Variants in NPDC1 observed in about 807,000 individuals in gnomAD.
The protein encoded by NPDC1 is neural proliferation, differentiation and control 1, also known as neural proliferation differentiation and control protein 1.
In NPDC1, 18 loss-of-function variants were observed where a neutral mutation model predicts 32.5. That is an observed-to-expected ratio of 0.55 (90% CI 0.38 to 0.82). The LOEUF (loss-of-function observed/expected upper bound fraction) is 0.82, where lower values mean the gene tolerates loss of function less well. NPDC1 is among the 40% of genes least tolerant of loss of function. The pLI is 0.00. For synonymous variants in NPDC1, 210 were observed against 184.7 expected (o/e 1.14, Z -1.11); for missense variants, 468 against 406.6 (o/e 1.15, Z -1.30).
intron 2 of NPDC1, among the ~76,000 whole-genome samples, chr9:137,042,474 G>A (rs1216380662): frequency 6.6e-6 from 1 of 151,684 alleles, no homozygotes; most frequent in African/African-American, 2.4e-5. Context: ...AGCCAGGATG[G>A]TCTCGATCTC....
At chr9:137,040,094 TC>T in intron 7 of NPDC1, 27 bp from the exon 8 acceptor site, 1 of 771,804 alleles carries the variant, frequency 1.3e-6, no homozygotes. Context: ...CGCTGGGTCC[TC>T]CCCATGCCCT....
chr9:137,041,217 G>A, intron 2 of NPDC1, 30 bp from the exon 3 acceptor site: 1 of 1,418,518 alleles, frequency 7.0e-7, no homozygotes, highest in Non-Finnish European at 9.2e-7. Context: ...ATCAGGTGGA[G>A]GGGTCCGTCC....
intron 2 of NPDC1, 128 bp from the exon 3 acceptor site, chr9:137,041,315 C>T: frequency 9.5e-7 from 1 of 1,057,646 alleles, no homozygotes; most frequent in Non-Finnish European, 1.2e-6. Flanking sequence ...AGGCCCTCTC[C>T]CTCCCAGATT....
rs369675087 is a variant in NPDC1, at chr9:137,040,550, C to T, written c.672G>A (p.Ala224=). 397 of 1,587,706 alleles carry T rather than the reference C, an allele frequency of 2.5e-4. 3 individuals carry two copies. In the South Asian group the frequency reaches 2.8e-3, roughly 11 times the overall value. The change falls in exon 6 of 9, where the codon GCG becomes GCA. Residue 224 remains alanine, a synonymous_variant. Coordinates refer to ENST00000371601, the MANE Select transcript of NPDC1 (RefSeq NM_015392.4). ...GAGCTGCAGGTGAGCCAGGGGCCTT[C>T]GCAGTGGCGTAGTCGGCCTTCTGAG... The part of the protein sequence containing the change: ...RLTQKADYAT[A]KAPGSPAAPR...
At chr9:137,042,151 G>C (rs1472219835) in intron 2 of NPDC1, among the ~76,000 whole-genome samples, 1 of 152,230 alleles carries the variant, frequency 6.6e-6, no homozygotes, top group Non-Finnish European at 1.5e-5. Flanking sequence ...GGGAGGCTTC[G>C]TGGAGAGTGA....
chr9:137,039,544 C>T lies in NPDC1; in HGVS notation c.*228G>A, dbSNP rs537959763. 49 of 531,370 alleles carry T rather than the reference C, an allele frequency of 9.2e-5. No homozygotes were observed. Among genetic ancestry groups the T allele is most frequent in the Admixed American group, 5.1e-4 (14 of 27,408 alleles). 32.9% of individuals were successfully genotyped at this position (531,370 alleles called of 1,614,324 possible). On this transcript the variant is annotated 3_prime_UTR_variant, in exon 9 of 9. Coordinates refer to ENST00000371601, the MANE Select transcript of NPDC1 (RefSeq NM_015392.4). ...CCTGCGCTCTACGGTTCTCCATGCCCCCTCCAGTTTGGGGGTCTAAACCGA... is the reference window on the plus strand; with the variant it reads ...CCTGCGCTCTACGGTTCTCCATGCCTCCTCCAGTTTGGGGGTCTAAACCGA...
chr9:137,040,469 G>A lies in NPDC1; in HGVS notation c.709-33C>T, dbSNP rs372583739. The A allele has an allele frequency of 1.8e-4, 288 of 1,569,728 alleles. No homozygotes were observed. In the African/African-American group the frequency reaches 3.3e-3, roughly 18 times the overall value. ...AAGGAGGAGGCGAGGGTCAGTTGGC[G>A]GCCAGAGTTGGGCGGGAGCCTCAGG... On this transcript the variant is annotated intron_variant, in intron 6 of 8. Transcript: ENST00000371601.
chr9:137,041,795 C>T lies in NPDC1; in HGVS notation c.260-608G>A, dbSNP rs919364954. On this transcript the variant is annotated intron_variant, in intron 2 of 8. Coordinates refer to ENST00000371601, the MANE Select transcript of NPDC1 (RefSeq NM_015392.4). ...GCCGCTGCTGCTCCCACCCCCAGCA[C>T]CTCTGAGCAAAGCCCTCACCACACC... 3.9e-5 allele frequency among the ~76,000 whole-genome samples: 6 copies of T among 152,368 alleles called. No individual in the cohort carries two copies. The East Asian group carries it at 9.7e-4, about 25-fold the overall frequency.
intron 1 of NPDC1, among the ~76,000 whole-genome samples, 176 bp downstream of exon 1, chr9:137,045,702 G>A (rs1200088363): frequency 6.6e-6 from 1 of 152,090 alleles, no homozygotes; most frequent in African/African-American, 2.4e-5. Flanking sequence ...TGCGCCCTCC[G>A]GCCAGGCCTG....
chr9:137,045,532 G>T (rs1212094046), intron 1 of NPDC1, among the ~76,000 whole-genome samples: 1 of 152,232 alleles, frequency 6.6e-6, no homozygotes, highest in Non-Finnish European at 1.5e-5. Flanking sequence ...ACACAGAGAC[G>T]CACACAGGCA....
In NPDC1 at chr9:137,041,195, G is replaced by C. The variant is rs1458125736; in HGVS notation, c.260-8C>G. 4 of 1,429,724 alleles carry C rather than the reference G, an allele frequency of 2.8e-6. No individual in the cohort carries two copies. In the South Asian group the frequency reaches 6.3e-5, roughly 23 times the overall value. The allele number at this position is 1,429,724 out of a possible 1,614,324, so 88.6% of individuals were successfully genotyped here. On this transcript the variant is annotated splice_region_variant and splice_polypyrimidine_tract_variant and intron_variant, in intron 2 of 8. Transcript: ENST00000371601. The stretch of plus-strand genomic sequence containing the variant: ...GCTGGGGCCGGCCCCCGCCTGGGGA[G>C]GGTGAGGGGCCATCAGGTGGAGGGG...
chr9:137,046,065 G>A lies in NPDC1; in HGVS notation c.-76C>T. On this transcript the variant is annotated 5_prime_UTR_variant, in exon 1 of 9. Coordinates refer to ENST00000371601, the MANE Select transcript of NPDC1 (RefSeq NM_015392.4). ...GCGCGGGCTCCGGGCTCCGCGTCGG[G>A]AGCAGCGGAGGCAGCGGGGGAGGAC... 1.8e-6 allele frequency: 2 copies of A among 1,133,602 alleles called. No homozygotes were observed. The highest frequency in any genetic ancestry group is 1.1e-6 in the Non-Finnish European group (1 of 924,044). 70.2% of individuals were successfully genotyped at this position (1,133,602 alleles called of 1,614,324 possible).
intron 2 of NPDC1, 135 bp from the exon 3 acceptor site, chr9:137,041,322 G>T: frequency 9.8e-7 from 1 of 1,021,268 alleles, no homozygotes; most frequent in Non-Finnish European, 1.3e-6. Context: ...CTCCCTCCCA[G>T]ATTGCCATGG....
chr9:137,039,749 G>T lies in NPDC1; in HGVS notation c.*23C>A. On this transcript the variant is annotated 3_prime_UTR_variant, in exon 9 of 9. Transcript: ENST00000371601. ...CGGGGGCCTCGAGGTCGGGGAGCAGGTGGGCGTCTGTCTGCCTCCAGGTCA... is the reference window on the plus strand; with the variant it reads ...CGGGGGCCTCGAGGTCGGGGAGCAGTTGGGCGTCTGTCTGCCTCCAGGTCA... 1.3e-6 allele frequency: 1 copy of T among 741,672 alleles called. No individual in the cohort carries two copies. 45.9% of individuals were successfully genotyped at this position (741,672 alleles called of 1,614,324 possible).
rs1487231418 is a variant in NPDC1 at position 137,046,010 on chromosome 9, G to T, written c.-21C>A. 8.4e-7 allele frequency: 1 copy of T among 1,189,202 alleles called. No homozygotes were observed. Among genetic ancestry groups the T allele is most frequent in the Non-Finnish European group, 1.0e-6 (1 of 960,364 alleles). 73.7% of individuals were successfully genotyped at this position (1,189,202 alleles called of 1,614,324 possible). A position where few individuals can be genotyped will look rare whatever the true frequency, so the allele number is the denominator to read the frequency against. ...GCCATCCTTCAGCGCCGCCGCCGGG[G>T]CAGCATGGCACCGCGAGGCCAGGGG... On this transcript the variant is annotated 5_prime_UTR_variant, in exon 1 of 9. Coordinates refer to ENST00000371601, the MANE Select transcript of NPDC1 (RefSeq NM_015392.4).
intron 7 of NPDC1, 107 bp downstream of exon 7, chr9:137,040,250 G>C (rs2131500637): frequency 9.4e-7 from 1 of 1,066,086 alleles, no homozygotes; most frequent in East Asian, 2.6e-5. Context: ...GTGCAGGTGA[G>C]GGTGGCAGGG....
rs772957023 is a variant in NPDC1, at chr9:137,041,201, G to C, written c.260-14C>G. 7.0e-7 allele frequency: 1 copy of C among 1,425,094 alleles called. No individual in the cohort carries two copies. Among genetic ancestry groups the C allele is most frequent in the South Asian group, 1.6e-5 (1 of 62,684 alleles). The allele number at this position is 1,425,094 out of a possible 1,614,324, so 88.3% of individuals were successfully genotyped here. On this transcript the variant is annotated splice_polypyrimidine_tract_variant and intron_variant, in intron 2 of 8. Coordinates refer to ENST00000371601, the MANE Select transcript of NPDC1 (RefSeq NM_015392.4). ...GCCGGCCCCCGCCTGGGGAGGGTGA[G>C]GGGCCATCAGGTGGAGGGGTCCGTC...
At chr9:137,043,117 G>C in intron 1 of NPDC1, 44 bp from the exon 2 acceptor site, 1 of 1,602,012 alleles carries the variant, frequency 6.2e-7, no homozygotes, top group Non-Finnish European at 8.5e-7. Context: ...GGCCCCGCAG[G>C]GCTCGGCCCC....
Position 137,046,130 on chromosome 9 carries a change from G to A in NPDC1, c.-141C>T. 1 of 1,094,404 alleles carries A rather than the reference G, an allele frequency of 9.1e-7. No homozygotes were observed. The highest frequency in any genetic ancestry group is 1.1e-6 in the Non-Finnish European group (1 of 899,188). The allele number at this position is 1,094,404 out of a possible 1,614,324, so 67.8% of individuals were successfully genotyped here. A position where few individuals can be genotyped will look rare whatever the true frequency, so the allele number is the denominator to read the frequency against. On this transcript the variant is annotated 5_prime_UTR_variant, in exon 1 of 9. Transcript: ENST00000371601. ...AGGCGGATGCCAAGGAGGAGGAGGAGGAAGAGGAAAGGCACGGGCGGCGGC... is the reference window on the plus strand; with the variant it reads ...AGGCGGATGCCAAGGAGGAGGAGGAAGAAGAGGAAAGGCACGGGCGGCGGC...
Sources: allele counts gnomAD v4.1 joint callset (sites outside exome capture counted in the v4.1 genomes callset), GRCh38; gene constraint gnomAD v4.1.1; transcripts MANE v1.5; gene names NCBI Gene and HGNC (gene_info 2026-07-23, HGNC 2026-07-21).